IL1RAP: variants seen among roughly 807,000 people sequenced by gnomAD.
IL1RAP encodes the protein interleukin 1 receptor accessory protein, also known as interleukin-1 receptor accessory protein.
In IL1RAP, 35 loss-of-function variants were observed where a neutral mutation model predicts 60.7. The observed-to-expected ratio is 0.58, with a 90% CI of 0.44 to 0.76. The LOEUF is 0.76. IL1RAP is among the 30% of genes least tolerant of loss of function. The pLI is 0.00. For synonymous variants in IL1RAP, 268 were observed against 250.9 expected (o/e 1.07, Z -0.64); for missense variants, 572 against 693.9 (o/e 0.82, Z 1.97).
downstream of IL1RAP, among the ~76,000 whole-genome samples, chr3:190,652,272 G>C (rs1338167593): frequency 6.6e-6 from 1 of 151,898 alleles, no homozygotes; most frequent in Non-Finnish European, 1.5e-5. Flanking sequence ...GACCATCCTG[G>C]CCAACATGGT....
chr3:190,550,421 C>T (rs1724766677), intron 1 of IL1RAP: 1 of 152,092 alleles, frequency 6.6e-6, no homozygotes, highest in African/African-American at 2.4e-5. Flanking sequence ...TTATCATAAG[C>T]CAAATGCTGA....
At chr3:190,607,030 T>C (rs1420853178) in intron 4 of IL1RAP, among the ~76,000 whole-genome samples, 1 of 152,194 alleles carries the variant, frequency 6.6e-6, no homozygotes, top group Non-Finnish European at 1.5e-5. Flanking sequence ...ACGTGGCAGA[T>C]GTTTTGTTAT....
chr3:190,570,482 T>G (rs1253759921), intron 3 of IL1RAP, among the ~76,000 whole-genome samples: 2 of 152,314 alleles, frequency 1.3e-5, no homozygotes, highest in African/African-American at 4.8e-5. Context: ...TCTGCAGTGT[T>G]TGTAGGGTCT....
At chr3:190,628,475 A>G (rs1577774681) in intron 8 of IL1RAP, among the ~76,000 whole-genome samples, 1 of 152,180 alleles carries the variant, frequency 6.6e-6, no homozygotes, top group Non-Finnish European at 1.5e-5. Flanking sequence ...AAATTCTCAT[A>G]CCTGACAGTA....
intron 6 of IL1RAP, among the ~76,000 whole-genome samples, chr3:190,622,696 G>A (rs1484462279): frequency 6.6e-6 from 1 of 152,130 alleles, no homozygotes; most frequent in African/African-American, 2.4e-5. Context: ...ATACATAGGG[G>A]GAGTTCTGGA....
chr3:190,571,342 A>G (rs2108647097), intron 3 of IL1RAP, among the ~76,000 whole-genome samples: 1 of 151,036 alleles, frequency 6.6e-6, no homozygotes, highest in East Asian at 2.0e-4. Flanking sequence ...TAAGACCCTG[A>G]CTCCACAAAA....
chr3:190,570,293 T>C (rs1488897384), intron 3 of IL1RAP, among the ~76,000 whole-genome samples: 1 of 152,138 alleles, frequency 6.6e-6, no homozygotes, highest in Non-Finnish European at 1.5e-5. Context: ...GTTTTAGAGA[T>C]AGTGGGAATA....
chr3:190,628,417 G>A (rs1732497919), intron 8 of IL1RAP, among the ~76,000 whole-genome samples: 1 of 152,164 alleles, frequency 6.6e-6, no homozygotes, highest in Admixed American at 6.5e-5. Flanking sequence ...GTGTTCATAG[G>A]ATAGCAGTGG....
chr3:190,561,196 A>G (rs1156385736), intron 2 of IL1RAP, among the ~76,000 whole-genome samples: 1 of 152,124 alleles, frequency 6.6e-6, no homozygotes. Flanking sequence ...TCTCACTCTA[A>G]GACGCAACAA....
rs750401327 is a variant in IL1RAP, at chr3:190,553,552, T to C, written c.-88-2578T>C. 2.9e-4 allele frequency among the ~76,000 whole-genome samples: 44 copies of C among 151,330 alleles called. 1 individual carries two copies. Among genetic ancestry groups the C allele is most frequent in the South Asian group, 4.2e-4 (2 of 4,762 alleles). ...GGTTGAACCCCTTGGCCAAGGGAGG[T>C]GAAGAGGCCATGGATGCATAGCATT... On this transcript the variant is annotated intron_variant, in intron 1 of 11. Transcript: ENST00000447382.
intron 4 of IL1RAP, among the ~76,000 whole-genome samples, chr3:190,606,750 A>G (rs1258377912): frequency 6.6e-6 from 1 of 152,170 alleles, no homozygotes; most frequent in Non-Finnish European, 1.5e-5. Flanking sequence ...TAGGAGCACT[A>G]CTAGGTTTCC....
At chr3:190,587,143 CCTT>C (rs1381281146) in intron 3 of IL1RAP, among the ~76,000 whole-genome samples, 2 of 152,110 alleles carry the variant, frequency 1.3e-5, no homozygotes, top group Non-Finnish European at 2.9e-5. Context: ...TCTGGTTTTA[CCTT>C]CTTATACGTG....
chr3:190,618,103 G>A (rs9829461), intron 5 of IL1RAP, among the ~76,000 whole-genome samples: 14,398 of 152,174 alleles, frequency 0.095, 825 homozygotes, highest in African/African-American at 0.15. Context: ...TTTCACTCAG[G>A]CTGGCTCCAG....
intron 1 of IL1RAP, among the ~76,000 whole-genome samples, chr3:190,549,797 T>C (rs1474296496): frequency 2.6e-5 from 4 of 152,138 alleles, no homozygotes; most frequent in Non-Finnish European, 5.9e-5. Context: ...TTCTGTAGTA[T>C]AGAGACAAAA....
intron 5 of IL1RAP, among the ~76,000 whole-genome samples, chr3:190,610,881 C>T (rs759883845): frequency 5.3e-5 from 8 of 152,110 alleles, no homozygotes; most frequent in African/African-American, 9.7e-5. Flanking sequence ...TAATTTGAAC[C>T]TAATTGCAAT....
downstream of IL1RAP, chr3:190,656,482 C>A (rs753983108): frequency 4.6e-6 from 7 of 1,537,142 alleles, no homozygotes; most frequent in Non-Finnish European, 6.1e-6. Flanking sequence ...GCCTGTTCCC[C>A]AAGAGTCAGA....
At chr3:190,643,196 G>A (rs1257052478) in intron 9 of IL1RAP, among the ~76,000 whole-genome samples, 1 of 152,128 alleles carries the variant, frequency 6.6e-6, no homozygotes, top group Non-Finnish European at 1.5e-5. Flanking sequence ...AAAGGGAAGA[G>A]TAAAAATTTC....
downstream of IL1RAP, chr3:190,656,290 C>T (rs1734617665): frequency 6.5e-7 from 1 of 1,537,274 alleles, no homozygotes; most frequent in Non-Finnish European, 8.7e-7. Context: ...GCCCCCAGAA[C>T]TTCAGAGCTC....
At chr3:190,616,410 C>T (rs1486218470) in intron 5 of IL1RAP, among the ~76,000 whole-genome samples, 1 of 151,704 alleles carries the variant, frequency 6.6e-6, no homozygotes, top group African/African-American at 2.4e-5. Flanking sequence ...AGAGAATAAG[C>T]ACCATTTGTG....
Sources: gnomAD v4.1 joint callset for allele counts (sites outside exome capture counted in the v4.1 genomes callset) on GRCh38, gnomAD v4.1.1 for gene constraint, MANE v1.5 for transcripts, NCBI Gene and HGNC (gene_info 2026-07-23, HGNC 2026-07-21) for gene names.